The following CADM2 variants were observed in gnomAD, a reference collection of about 807,000 sequenced individuals.
CADM2 encodes the protein immunoglobulin superfamily member 4D.
A neutral mutation model predicts 49.8 loss-of-function variants in CADM2; 12 were observed. The observed-to-expected ratio is 0.24, with a 90% CI of 0.15 to 0.39. The LOEUF is 0.39. CADM2 is among the 10% of genes least tolerant of loss of function. The pLI, the probability that CADM2 is intolerant of heterozygous loss-of-function variation, is 1.00. For missense variants in CADM2, 378 were observed against 492.3 expected, an observed-to-expected ratio of 0.77 and a Z score of 2.20; for synonymous variants, 214 against 175.4, an observed-to-expected ratio of 1.22 and a Z score of -1.74.
At chr3:85,515,631 ATT>A (rs1553734357) in intron 1 of CADM2, among the ~76,000 whole-genome samples, 13 of 118,408 alleles carry the variant, frequency 1.1e-4, no homozygotes, top group African/African-American at 3.4e-4. Context: ...ATATATATAT[ATT>A]TTTTTTTTTT....
At chr3:85,630,098 T>A (rs1474460958) in intron 1 of CADM2, among the ~76,000 whole-genome samples, 1 of 152,002 alleles carries the variant, frequency 6.6e-6, no homozygotes, top group Non-Finnish European at 1.5e-5. Context: ...GCAACACATA[T>A]GTTCTGTAAC....
intron 1 of CADM2, among the ~76,000 whole-genome samples, chr3:85,059,232 A>G (rs754591878): frequency 6.6e-6 from 1 of 151,646 alleles, no homozygotes; most frequent in Non-Finnish European, 1.5e-5. Flanking sequence ...GAGAGAGACT[A>G]TGTCTCAAAA....
At chr3:85,033,352 G>T (rs1267617965) in intron 1 of CADM2, among the ~76,000 whole-genome samples, 2 of 152,118 alleles carry the variant, frequency 1.3e-5, no homozygotes, top group Non-Finnish European at 1.5e-5. Flanking sequence ...GCTTCTTTGT[G>T]TTTACACTGT....
rs566760633 is a variant in CADM2, at chr3:85,945,768, G to A, written c.791+9911G>A. On this transcript the variant is annotated intron_variant, in intron 7 of 9. Coordinates refer to ENST00000383699, the MANE Select transcript of CADM2 (RefSeq NM_001167675.2). ...AACTCTCAATAAATTAGGTATTGATGGGACGTATCTCAAAATAATAAGAGC... is the reference window on the plus strand; with the variant it reads ...AACTCTCAATAAATTAGGTATTGATAGGACGTATCTCAAAATAATAAGAGC... Among the ~76,000 whole-genome samples, 1,124 of 152,138 alleles carry A rather than the reference G, an allele frequency of 7.4e-3. 10 individuals are homozygous for A. Among genetic ancestry groups the A allele is most frequent in the African/African-American group, 0.026 (1,069 of 41,496 alleles).
chr3:85,568,803 TCA>T (rs962029803), intron 1 of CADM2, among the ~76,000 whole-genome samples: 17 of 151,808 alleles, frequency 1.1e-4, no homozygotes, highest in African/African-American at 4.1e-4. Context: ...AGATGGGGTT[TCA>T]CCATATTGGC....
intron 1 of CADM2, among the ~76,000 whole-genome samples, chr3:85,582,010 T>C (rs1376513795): frequency 6.6e-6 from 1 of 152,130 alleles, no homozygotes; most frequent in African/African-American, 2.4e-5. Flanking sequence ...CACTGCAACC[T>C]CCACCTCCTG....
chr3:85,908,695 C>T (rs1717144207), intron 5 of CADM2, among the ~76,000 whole-genome samples: 1 of 151,144 alleles, frequency 6.6e-6, no homozygotes, highest in South Asian at 2.1e-4. Flanking sequence ...ACTCTCCACT[C>T]AATTGTAATT....
At chr3:85,170,344 T>C (rs1277767687) in intron 1 of CADM2, among the ~76,000 whole-genome samples, 1 of 148,210 alleles carries the variant, frequency 6.7e-6, no homozygotes, top group Non-Finnish European at 1.5e-5. Flanking sequence ...TTTTCTAACT[T>C]TTTTTTTTTT....
chr3:85,699,223 T>C (rs1484858420), intron 1 of CADM2, among the ~76,000 whole-genome samples: 2 of 152,184 alleles, frequency 1.3e-5, no homozygotes, highest in Non-Finnish European at 2.9e-5. Flanking sequence ...GGGTTTGGCC[T>C]CCACAGCTGC....
intron 1 of CADM2, among the ~76,000 whole-genome samples, chr3:85,081,368 T>A (rs954142177): frequency 8.5e-5 from 13 of 152,288 alleles, no homozygotes; most frequent in Middle Eastern, 6.8e-3. Flanking sequence ...TCAGAGCGCA[T>A]ATGACTTGGT....
At chr3:85,526,354 T>A (rs2061158938) in intron 1 of CADM2, among the ~76,000 whole-genome samples, 2 of 152,176 alleles carry the variant, frequency 1.3e-5, no homozygotes, top group Non-Finnish European at 2.9e-5. Context: ...GCAAGTGTTC[T>A]AACAGGAATT....
intron 2 of CADM2, among the ~76,000 whole-genome samples, chr3:85,784,797 T>A (rs1318993749): frequency 1.3e-5 from 2 of 152,208 alleles, no homozygotes; most frequent in African/African-American, 4.8e-5. Flanking sequence ...AATACTGGTC[T>A]CATAGGATGA....
intron 6 of CADM2, among the ~76,000 whole-genome samples, chr3:85,935,216 GACTC>G (rs980093261): frequency 6.6e-6 from 1 of 152,100 alleles, no homozygotes; most frequent in Non-Finnish European, 1.5e-5. Context: ...TATTGGAAGT[GACTC>G]ACTAACTGTA....
chr3:85,036,677 G>T (rs1322102830), intron 1 of CADM2, among the ~76,000 whole-genome samples: 1 of 152,002 alleles, frequency 6.6e-6, no homozygotes, highest in Non-Finnish European at 1.5e-5. Context: ...CTTTATAATT[G>T]CTTTTAATGG....
At chr3:85,815,230 C>T (rs1173918980) in intron 3 of CADM2, among the ~76,000 whole-genome samples, 1 of 152,108 alleles carries the variant, frequency 6.6e-6, no homozygotes, top group African/African-American at 2.4e-5. Context: ...AGGGAATCCT[C>T]CCTAACTCCT....
intron 1 of CADM2, among the ~76,000 whole-genome samples, chr3:85,200,111 T>C (rs112452130): frequency 8.5e-5 from 13 of 152,084 alleles, no homozygotes; most frequent in Admixed American, 7.9e-4. Context: ...TCTTATCTTA[T>C]GTGAATTCAG....
At chr3:85,859,376 A>C (rs1399198666) in intron 3 of CADM2, among the ~76,000 whole-genome samples, 1 of 151,584 alleles carries the variant, frequency 6.6e-6, no homozygotes, top group East Asian at 1.9e-4. Flanking sequence ...GACTACAGGC[A>C]TGCGTCACCA....
chr3:85,696,620 T>C (rs1451541548), intron 1 of CADM2, among the ~76,000 whole-genome samples: 1 of 152,078 alleles, frequency 6.6e-6, no homozygotes, highest in African/African-American at 2.4e-5. Flanking sequence ...TTGTTAGTAA[T>C]GAAAATTCTT....
chr3:85,150,777 CA>C lies in CADM2; in HGVS notation c.61+191110del, dbSNP rs111324411. On this transcript the variant is annotated intron_variant, in intron 1 of 9. Transcript: ENST00000383699. The stretch of plus-strand genomic sequence containing the variant: ...AAAAAAAATTAGCCAGGTATGGTGG[CA>C]GGTGCCTGTAATCCCAGCTACTTGG... Among the ~76,000 whole-genome samples the C allele has an allele frequency of 3.1e-3, 469 of 151,814 alleles. 1 individual carries two copies. The highest frequency in any genetic ancestry group is 1.0e-2 in the African/African-American group (413 of 41,380).
Sources: gnomAD v4.1 joint callset for allele counts (sites outside exome capture counted in the v4.1 genomes callset) on GRCh38, gnomAD v4.1.1 for gene constraint, MANE v1.5 for transcripts, NCBI Gene and HGNC (gene_info 2026-07-23, HGNC 2026-07-21) for gene names.